Variants in TRAF1 observed in about 807,000 individuals in gnomAD.
TRAF1 encodes TNF receptor-associated factor 1.
TRAF1 carries 23 observed loss-of-function variants against 40.9 expected under a neutral mutation model. That is an observed-to-expected ratio of 0.56 (90% CI 0.40 to 0.80). TRAF1 has a LOEUF of 0.80. Among genes scored for constraint, TRAF1 ranks in the 30% least tolerant of loss-of-function variants. The pLI is 0.00. For synonymous variants in TRAF1, 206 were observed against 218.8 expected (o/e 0.94, Z 0.52); for missense variants, 477 against 528.7 (o/e 0.90, Z 0.96).
chr9:120,906,514 T>C (rs1181476797), intron 7 of TRAF1, among the ~76,000 whole-genome samples: 1 of 152,130 alleles, frequency 6.6e-6, no homozygotes, highest in African/African-American at 2.4e-5. Context: ...TTAGAGCAGT[T>C]TTAGGTTCAC....
At chr9:120,915,584 A>G (rs1348319603) in intron 3 of TRAF1, among the ~76,000 whole-genome samples, 1 of 152,188 alleles carries the variant, frequency 6.6e-6, no homozygotes, top group Non-Finnish European at 1.5e-5. Context: ...TGTAAGCTCA[A>G]CACTTTGGGA....
intron 2 of TRAF1, among the ~76,000 whole-genome samples, chr9:120,925,475 G>A (rs1005393791): frequency 3.3e-5 from 5 of 152,200 alleles, no homozygotes; most frequent in Admixed American, 2.6e-4. Flanking sequence ...ACGGTCTGAG[G>A]TGATGAGCAA....
intron 7 of TRAF1, 89 bp from the exon 8 acceptor site, chr9:120,905,327 C>T: frequency 1.5e-6 from 2 of 1,341,770 alleles, no homozygotes; most frequent in South Asian, 1.3e-5. Context: ...GTGCTCCACA[C>T]CTACTGCCTG....
At chr9:120,915,700 G>A (rs1326358972) in intron 3 of TRAF1, among the ~76,000 whole-genome samples, 1 of 151,928 alleles carries the variant, frequency 6.6e-6, no homozygotes, top group African/African-American at 2.4e-5. Flanking sequence ...CAGTCTTGGT[G>A]GCGTACACCT....
At chr9:120,920,004 G>C (rs924806122) in intron 3 of TRAF1, among the ~76,000 whole-genome samples, 1 of 152,264 alleles carries the variant, frequency 6.6e-6, no homozygotes, top group East Asian at 1.9e-4. Flanking sequence ...GGTAAAATAG[G>C]GCTATCACCG....
chr9:120,913,518 C>T lies in TRAF1; in HGVS notation c.515G>A (p.Ser172Asn), dbSNP rs2046545131. The T allele has an allele frequency of 6.2e-7, 1 of 1,613,850 alleles. No individual in the cohort carries two copies. ...VDCYRAPCSE[S>N]QEELALQHFM... ...GTGCTGCAGGGCCAGCTCCTCCTGG[C>T]TCTCGGAGCAGGGTGCCCGGTAGCA... Residue 172 changes from serine to asparagine, a missense_variant, in exon 5 of 8, where the codon AGC (serine) becomes AAC (asparagine). Physicochemically the swap from Ser to Asn is conservative, Grantham distance 46 (BLOSUM62 1). Coordinates refer to ENST00000373887, the MANE Select transcript of TRAF1 (RefSeq NM_005658.5).
intron 4 of TRAF1, 93 bp from the exon 5 acceptor site, chr9:120,913,831 T>C: frequency 7.1e-7 from 1 of 1,398,776 alleles, no homozygotes; most frequent in Non-Finnish European, 9.6e-7. Flanking sequence ...CACCAAGGAT[T>C]ATTCATTCAC....
intron 7 of TRAF1, among the ~76,000 whole-genome samples, chr9:120,907,448 C>T (rs2046491577): frequency 2.0e-5 from 3 of 152,176 alleles, no homozygotes; most frequent in Admixed American, 2.0e-4. Context: ...TTTTGTGTAA[C>T]ATAAGTTTTC....
At chr9:120,915,748 C>A (rs552756377) in intron 3 of TRAF1, among the ~76,000 whole-genome samples, 95 of 152,082 alleles carry the variant, frequency 6.2e-4, no homozygotes, top group African/African-American at 2.3e-3. Flanking sequence ...GTGGGAGGAT[C>A]GCTTGAGCCC....
rs186043464 is a variant in TRAF1 at position 120,913,863 on chromosome 9, C to A, written c.295-125G>T. The A allele has an allele frequency of 3.3e-4, 374 of 1,145,044 alleles. No homozygotes were observed. In the African/African-American group the frequency reaches 5.4e-3, roughly 16 times the overall value. The allele number at this position is 1,145,044 out of a possible 1,614,324, so 70.9% of individuals were successfully genotyped here. ...TCACCCAGCAAAAAGGAGTGGCTTT[C>A]TGTACAGTGGGAGGGATTCAGAGGA... On this transcript the variant is annotated intron_variant, in intron 4 of 7. Transcript: ENST00000373887.
chr9:120,925,796 G>T, intron 2 of TRAF1, 140 bp downstream of exon 2: 1 of 1,235,562 alleles, frequency 8.1e-7, no homozygotes, highest in Non-Finnish European at 1.1e-6. Context: ...CAGGGAGTGT[G>T]AGAAAAGGGT....
chr9:120,909,059 A>G (rs1213846927), intron 7 of TRAF1, among the ~76,000 whole-genome samples, 171 bp downstream of exon 7: 2 of 152,126 alleles, frequency 1.3e-5, no homozygotes, highest in African/African-American at 4.8e-5. Context: ...GGACTCATGG[A>G]GCTGGAGGGA....
At chr9:120,915,873 A>C (rs2131627889) in intron 3 of TRAF1, among the ~76,000 whole-genome samples, 1 of 152,354 alleles carries the variant, frequency 6.6e-6, no homozygotes, top group East Asian at 1.9e-4. Context: ...GATACAATCT[A>C]TGAAAGTATC....
At chr9:120,909,127 G>A in intron 7 of TRAF1, 103 bp downstream of exon 7, 1 of 1,401,086 alleles carries the variant, frequency 7.1e-7, no homozygotes, top group Non-Finnish European at 9.8e-7. Context: ...CACAGAGAGG[G>A]TGGGGGACTT....
chr9:120,909,463 G>A (rs1181081796), intron 6 of TRAF1, 85 bp from the exon 7 acceptor site: 1 of 1,517,720 alleles, frequency 6.6e-7, no homozygotes, highest in African/African-American at 1.4e-5. Flanking sequence ...CATGCCCAAG[G>A]TCAGCGGCTC....
At chr9:120,912,660 GA>G (rs373343577) in intron 5 of TRAF1, among the ~76,000 whole-genome samples, 21 of 131,066 alleles carry the variant, frequency 1.6e-4, no homozygotes, top group East Asian at 4.4e-4. Context: ...TGTCTCAAAG[GA>G]AAAAAAAAAA....
intron 2 of TRAF1, among the ~76,000 whole-genome samples, chr9:120,925,332 G>A (rs967302605): frequency 6.6e-6 from 1 of 152,224 alleles, no homozygotes; most frequent in African/African-American, 2.4e-5. Context: ...CACAGTAGGT[G>A]CATAATTGCT....
chr9:120,913,381 A>G lies in TRAF1; in HGVS notation c.652T>C (p.Ser218Pro). 1 of 1,613,660 alleles carries G rather than the reference A, an allele frequency of 6.2e-7. No homozygotes were observed. The highest frequency in any genetic ancestry group is 1.3e-5 in the African/African-American group (1 of 74,986). The change falls in exon 5 of 8, where the codon TCT becomes CCT. Residue 218 changes from serine (S) to proline (P), a missense_variant. By Grantham distance (74) the Ser-to-Pro change is moderately conservative. Coordinates refer to ENST00000373887, the MANE Select transcript of TRAF1 (RefSeq NM_005658.5). ...CGGTCCAGCTGGCTCTGGTGGATAG[A>G]GGTGGCCAGGGCCAGGTGGGAGGCC... ...VEASHLALAT[S>P]IHQSQLDRER... is the part of the protein sequence containing the mutation.
At chr9:120,924,908 C>G (rs1443834825) in intron 2 of TRAF1, among the ~76,000 whole-genome samples, 1 of 152,226 alleles carries the variant, frequency 6.6e-6, no homozygotes, top group Non-Finnish European at 1.5e-5. Context: ...TTCCAATCAG[C>G]TCCCTCCTCT....
Sources: allele counts gnomAD v4.1 joint callset (sites outside exome capture counted in the v4.1 genomes callset), GRCh38; gene constraint gnomAD v4.1.1; transcripts MANE v1.5; gene names NCBI Gene and HGNC (gene_info 2026-07-23, HGNC 2026-07-21).